Variants in KLHL8 observed in about 807,000 individuals in gnomAD.
KLHL8 encodes kelch-like protein 8.
In KLHL8, 38 loss-of-function variants were observed where a neutral mutation model predicts 63.5. The observed-to-expected ratio is 0.60, with a 90% CI of 0.46 to 0.78. The LOEUF (loss-of-function observed/expected upper bound fraction) is 0.78, where lower values mean the gene tolerates loss of function less well. Ranked by LOEUF, KLHL8 falls within the 30% of genes least tolerant of loss-of-function variation. KLHL8 has a pLI of 0.00. For synonymous variants in KLHL8, 224 were observed against 254.3 expected (o/e 0.88, Z 1.13); for missense variants, 566 against 752.4 (o/e 0.75, Z 2.90).
intron 1 of KLHL8, among the ~76,000 whole-genome samples, chr4:87,237,110 C>T (rs948659851): frequency 2.0e-5 from 3 of 152,152 alleles, no homozygotes; most frequent in Admixed American, 6.5e-5. Context: ...AGCCATGTTC[C>T]CAGATGAACA....
intron 6 of KLHL8, among the ~76,000 whole-genome samples, chr4:87,172,037 C>A (rs1221334470): frequency 6.6e-6 from 1 of 152,176 alleles, no homozygotes; most frequent in Non-Finnish European, 1.5e-5. Context: ...TGACCTTCAT[C>A]CCCTGGTGTT....
chr4:87,170,847 C>T (rs138979779), intron 6 of KLHL8, among the ~76,000 whole-genome samples: 4 of 152,302 alleles, frequency 2.6e-5, no homozygotes, highest in African/African-American at 9.6e-5. Context: ...ATAGCCTACA[C>T]AGGCTACTTT....
At chr4:87,178,297 C>G (rs939921720) in intron 5 of KLHL8, among the ~76,000 whole-genome samples, 180 bp downstream of exon 5, 2 of 152,054 alleles carry the variant, frequency 1.3e-5, no homozygotes, top group Non-Finnish European at 2.9e-5. Context: ...TATTCATCTC[C>G]ACATTATGCA....
rs924021649 is a variant in KLHL8, at chr4:87,162,905, G to C, written c.*614C>G. Reference sequence around the variant, plus strand: ...CCTAGCAATTCAAACTGAAATTAAAGGCTTCTTATAGCCTATAAGCTTCTG... The same window carrying C: ...CCTAGCAATTCAAACTGAAATTAAACGCTTCTTATAGCCTATAAGCTTCTG... On this transcript the variant is annotated 3_prime_UTR_variant, in exon 10 of 10. Transcript: ENST00000273963. 1 of 152,082 alleles carries C rather than the reference G, an allele frequency of 6.6e-6. No homozygotes were observed. Among genetic ancestry groups the C allele is most frequent in the African/African-American group, 2.4e-5 (1 of 41,414 alleles). 9.4% of individuals were successfully genotyped at this position (152,082 alleles called of 1,614,324 possible).
At chr4:87,187,226 A>G (rs1201233615) in intron 2 of KLHL8, among the ~76,000 whole-genome samples, 6 of 151,960 alleles carry the variant, frequency 3.9e-5, no homozygotes, top group African/African-American at 1.5e-4. Flanking sequence ...CCATATCTTG[A>G]GTGTTGTTAT....
intron 1 of KLHL8, among the ~76,000 whole-genome samples, chr4:87,205,056 G>A (rs1732068240): frequency 6.6e-6 from 1 of 152,068 alleles, no homozygotes; most frequent in Admixed American, 6.5e-5. Flanking sequence ...AAGACACAAG[G>A]CAATATAATC....
At chr4:87,164,345 G>A (rs1393263517) in intron 8 of KLHL8, among the ~76,000 whole-genome samples, 1 of 151,932 alleles carries the variant, frequency 6.6e-6, no homozygotes. Context: ...TGGAGTCCCT[G>A]TATCTAAGCA....
chr4:87,189,937 G>A (rs1194910802), intron 2 of KLHL8, among the ~76,000 whole-genome samples: 1 of 151,056 alleles, frequency 6.6e-6, no homozygotes, highest in Non-Finnish European at 1.5e-5. Context: ...GGGAGGCTGA[G>A]GCAGGAGAAT....
chr4:87,170,372 T>C lies in KLHL8; in HGVS notation c.1377+75A>G, dbSNP rs1245166514. 3 of 1,464,194 alleles carry C rather than the reference T, an allele frequency of 2.0e-6. No homozygotes were observed. In the East Asian group the frequency reaches 6.8e-5, roughly 33 times the overall value. The allele number at this position is 1,464,194 out of a possible 1,614,324, so 90.7% of individuals were successfully genotyped here. A position where few individuals can be genotyped will look rare whatever the true frequency, so the allele number is the denominator to read the frequency against. On this transcript the variant is annotated intron_variant, in intron 7 of 9. Transcript: ENST00000273963. ...TATAATATCTTCATACTGGTGATGATATATTGGACCTTTCCTTATTTTGGT... is the reference window on the plus strand; with the variant it reads ...TATAATATCTTCATACTGGTGATGACATATTGGACCTTTCCTTATTTTGGT...
intron 1 of KLHL8, among the ~76,000 whole-genome samples, chr4:87,215,000 T>C (rs1272110619): frequency 6.6e-6 from 1 of 152,134 alleles, no homozygotes; most frequent in Non-Finnish European, 1.5e-5. Flanking sequence ...GGTTTCATCA[T>C]GTTGACCAGG....
chr4:87,161,569 C>G lies in KLHL8; in HGVS notation c.*1950G>C, dbSNP rs1463925999. On this transcript the variant is annotated 3_prime_UTR_variant, in exon 10 of 10. Coordinates refer to ENST00000273963, the MANE Select transcript of KLHL8 (RefSeq NM_020803.5). The stretch of plus-strand genomic sequence containing the variant: ...TCAAAGAAAAAACATTTTAAATAAT[C>G]TCAGGAAACAATAACAAGATCCTCT... 1 of 152,138 alleles carries G rather than the reference C, an allele frequency of 6.6e-6. No homozygotes were observed. The highest frequency in any genetic ancestry group is 1.5e-5 in the Non-Finnish European group (1 of 68,014). The allele number at this position is 152,138 out of a possible 1,614,324, so 9.4% of individuals were successfully genotyped here.
intron 4 of KLHL8, among the ~76,000 whole-genome samples, chr4:87,180,738 G>A (rs1453855958): frequency 6.6e-6 from 1 of 152,126 alleles, no homozygotes; most frequent in Non-Finnish European, 1.5e-5. Flanking sequence ...TTTTAAGTCA[G>A]ATAAATTTAA....
At chr4:87,192,237 A>G (rs898645470) in intron 2 of KLHL8, among the ~76,000 whole-genome samples, 2 of 152,186 alleles carry the variant, frequency 1.3e-5, no homozygotes, top group Non-Finnish European at 2.9e-5. Flanking sequence ...CCAACAGTGT[A>G]TAAGTGTTCC....
chr4:87,192,826 A>G (rs563815997), intron 2 of KLHL8, among the ~76,000 whole-genome samples: 43 of 152,346 alleles, frequency 2.8e-4, no homozygotes, highest in African/African-American at 9.4e-4. Flanking sequence ...CACTGTAGGC[A>G]ACTGAAACAG....
At chr4:87,224,110 G>A (rs572929836), upstream of KLHL8, among the ~76,000 whole-genome samples, 2 of 151,806 alleles carry the variant, frequency 1.3e-5, no homozygotes, top group South Asian at 4.2e-4. Context: ...TACCCAGGCT[G>A]GAGTGCAATG....
intron 1 of KLHL8, among the ~76,000 whole-genome samples, chr4:87,217,647 C>CT (rs1216494811): frequency 0.017 from 2,148 of 128,356 alleles, 23 homozygotes; most frequent in South Asian, 0.036. Flanking sequence ...AGCCTGGCCT[C>CT]TTTTTTTTTT....
At chr4:87,180,989 T>C (rs749474664) in intron 4 of KLHL8, among the ~76,000 whole-genome samples, 4 of 152,108 alleles carry the variant, frequency 2.6e-5, no homozygotes, top group South Asian at 2.1e-4. Context: ...TGAGCTGTGA[T>C]TGCACCATTG....
intron 8 of KLHL8, among the ~76,000 whole-genome samples, chr4:87,164,706 T>C (rs569833676): frequency 6.6e-6 from 1 of 152,358 alleles, no homozygotes; most frequent in Admixed American, 6.5e-5. Flanking sequence ...CCTGAGGTTA[T>C]AGAGACTGTT....
intron 1 of KLHL8, among the ~76,000 whole-genome samples, chr4:87,206,164 T>C (rs1014115256): frequency 1.3e-5 from 2 of 152,180 alleles, no homozygotes; most frequent in Non-Finnish European, 2.9e-5. Context: ...CATCCCTTTC[T>C]TCCTATTGTC....
Sources: gnomAD v4.1 joint callset for allele counts (sites outside exome capture counted in the v4.1 genomes callset) on GRCh38, gnomAD v4.1.1 for gene constraint, MANE v1.5 for transcripts, NCBI Gene and HGNC (gene_info 2026-07-23, HGNC 2026-07-21) for gene names.